Variants in ZCCHC24 observed in about 807,000 individuals in gnomAD.
The protein encoded by ZCCHC24 is zinc finger CCHC-type containing 24.
In ZCCHC24, 10 loss-of-function variants were observed where a neutral mutation model predicts 26.2. That is an observed-to-expected ratio of 0.38 (90% CI 0.24 to 0.65). The LOEUF (loss-of-function observed/expected upper bound fraction) is 0.65, where lower values mean the gene tolerates loss of function less well. ZCCHC24 is among the 30% of genes least tolerant of loss of function. ZCCHC24 has a pLI of 0.54. For missense variants in ZCCHC24, 243 were observed against 329.1 expected (o/e 0.74, Z 2.03); for synonymous variants, 144 against 147.1 (o/e 0.98, Z 0.15).
chr10:79,439,303 T>G (rs551846798), intron 1 of ZCCHC24, among the ~76,000 whole-genome samples: 4 of 152,340 alleles, frequency 2.6e-5, no homozygotes, highest in Non-Finnish European at 5.9e-5. Flanking sequence ...AAGGTTTCAC[T>G]ATCTCCCAAG....
chr10:79,422,819 T>A (rs906373214), intron 2 of ZCCHC24, among the ~76,000 whole-genome samples: 3 of 152,096 alleles, frequency 2.0e-5, no homozygotes, highest in African/African-American at 7.2e-5. Flanking sequence ...CAGACCTCCC[T>A]CAAAGGAGTA....
intron 2 of ZCCHC24, among the ~76,000 whole-genome samples, chr10:79,397,070 C>T (rs916936315): frequency 3.3e-5 from 5 of 152,222 alleles, no homozygotes; most frequent in African/African-American, 4.8e-5. Flanking sequence ...TTGTCCCAGG[C>T]GCCATTACTA....
chr10:79,387,226 A>G lies in ZCCHC24; in HGVS notation c.613-768T>C, dbSNP rs1589656860. On this transcript the variant is annotated intron_variant, in intron 3 of 3. Coordinates refer to ENST00000372336, the MANE Select transcript of ZCCHC24 (RefSeq NM_153367.4). ...GGTGACTTGCCGGGCCTGTCCTGCC[A>G]CACACTCACTGGGTGATCGCAGGGA... 5.3e-5 allele frequency among the ~76,000 whole-genome samples: 8 copies of G among 152,272 alleles called. No individual in the cohort carries two copies. In the South Asian group the frequency reaches 1.7e-3, roughly 32 times the overall value.
intron 2 of ZCCHC24, among the ~76,000 whole-genome samples, chr10:79,407,883 G>C (rs969566969): frequency 6.6e-6 from 1 of 152,162 alleles, no homozygotes; most frequent in African/African-American, 2.4e-5. Context: ...AAGCAAGACC[G>C]GCGGTGGTGT....
In ZCCHC24 at chr10:79,386,034, G is replaced by A. The variant is rs139071236; in HGVS notation, c.*311C>T. 93 of 521,504 alleles carry A rather than the reference G, an allele frequency of 1.8e-4. No homozygotes were observed. Among genetic ancestry groups the A allele is most frequent in the South Asian group, 4.3e-4 (13 of 29,886 alleles). The allele number at this position is 521,504 out of a possible 1,614,324, so 32.3% of individuals were successfully genotyped here. The stretch of plus-strand genomic sequence containing the variant: ...TCACCCCAAAGAGGCTCTCAGAGGC[G>A]AGCCTGTGGGGACACCCAGGGCTCC... On this transcript the variant is annotated 3_prime_UTR_variant, in exon 4 of 4. Transcript: ENST00000372336.
At chr10:79,390,696 G>C (rs577294464) in intron 3 of ZCCHC24, among the ~76,000 whole-genome samples, 3 of 152,360 alleles carry the variant, frequency 2.0e-5, no homozygotes, top group South Asian at 2.1e-4. Flanking sequence ...GGCTGACTGT[G>C]GTGGAGGGCC....
In ZCCHC24 at chr10:79,441,928, C is replaced by T. The variant is rs186895320; in HGVS notation, c.246+3267G>A. Among the ~76,000 whole-genome samples, 168 of 152,316 alleles carry T rather than the reference C, an allele frequency of 1.1e-3. 1 individual carries two copies. The highest frequency in any genetic ancestry group is 5.2e-3 in the South Asian group (25 of 4,834). ...GGGCTCTGGGCAGCCCTTCAAGGGG[C>T]CCAAGAGGCCATCTTCACAAGGAGG... On this transcript the variant is annotated intron_variant, in intron 1 of 3. Transcript: ENST00000372336.
intron 1 of ZCCHC24, among the ~76,000 whole-genome samples, chr10:79,435,047 C>T (rs1402942746): frequency 2.0e-5 from 3 of 151,986 alleles, no homozygotes; most frequent in African/African-American, 7.3e-5. Context: ...ACCAGAAGGC[C>T]CCCTCCCCCT....
chr10:79,441,553 G>A (rs1345558870), intron 1 of ZCCHC24, among the ~76,000 whole-genome samples: 4 of 152,058 alleles, frequency 2.6e-5, no homozygotes, highest in African/African-American at 9.7e-5. Context: ...ACTGACAGGT[G>A]TCCTGAGCCA....
intron 3 of ZCCHC24, among the ~76,000 whole-genome samples, chr10:79,388,367 A>C (rs1293301627): frequency 6.6e-6 from 1 of 151,948 alleles, no homozygotes. Flanking sequence ...TCCCAGGGAG[A>C]CCTCCAACAG....
intron 2 of ZCCHC24, among the ~76,000 whole-genome samples, chr10:79,430,244 G>C (rs1165656387): frequency 6.6e-6 from 1 of 152,110 alleles, no homozygotes; most frequent in Admixed American, 6.5e-5. Context: ...GCGAGCCTCT[G>C]TCTGTCCTCC....
chr10:79,445,323 A>T lies in ZCCHC24; in HGVS notation c.118T>A (p.Phe40Ile), dbSNP rs1433055634. The T allele has an allele frequency of 2.6e-6, 4 of 1,520,950 alleles. No homozygotes were observed. The highest frequency in any genetic ancestry group is 3.5e-6 in the Non-Finnish European group (4 of 1,136,498). The allele number at this position is 1,520,950 out of a possible 1,614,324, so 94.2% of individuals were successfully genotyped here. Residue 40 changes from phenylalanine (F) to isoleucine (I), a missense_variant, in exon 1 of 4, where the codon TTC becomes ATC. Phe to Ile is a conservative substitution (Grantham distance 21). Around this residue, in one of 2 missense-constraint regions of ZCCHC24, gnomAD observed 147 missense variants for 150.8 expected, o/e 0.97. Transcript: ENST00000372336. ...GCGCCGGCGGTCGGCTCGGGCCGGA[A>T]GGCATCGAAGGCGCTAGCCTGGTGC... The part of the protein sequence containing the change: ...DTHQASAFDA[F>I]RPEPTAGAAP...
At chr10:79,395,816 A>G (rs1856539234) in intron 2 of ZCCHC24, among the ~76,000 whole-genome samples, 1 of 152,162 alleles carries the variant, frequency 6.6e-6, no homozygotes, top group African/African-American at 2.4e-5. Flanking sequence ...TCTCCCACAC[A>G]GTGTTATTTT....
At chr10:79,445,074 G>T (rs1857344762) in intron 1 of ZCCHC24, 121 bp downstream of exon 1, 1 of 1,030,372 alleles carries the variant, frequency 9.7e-7, no homozygotes, top group Non-Finnish European at 1.3e-6. Flanking sequence ...GCCAAGCCGG[G>T]CCCGGCAATG....
At chr10:79,405,551 G>C (rs890204440) in intron 2 of ZCCHC24, among the ~76,000 whole-genome samples, 2 of 152,268 alleles carry the variant, frequency 1.3e-5, no homozygotes, top group Non-Finnish European at 2.9e-5. Flanking sequence ...CTGGACGGCT[G>C]TCTTGAGCTA....
rs949634312 is a variant in ZCCHC24 at position 79,398,427 on chromosome 10, G to A, written c.448-3987C>T. 2.0e-5 allele frequency among the ~76,000 whole-genome samples: 3 copies of A among 152,202 alleles called. No homozygotes were observed. In the South Asian group the frequency reaches 6.2e-4, roughly 32 times the overall value. On this transcript the variant is annotated intron_variant, in intron 2 of 3. Transcript: ENST00000372336. ...GTGGTTGGCACACTGCAAGTGCTCG[G>A]TCACCATTAGCTATTTCAGGGTGAT...
intron 2 of ZCCHC24, chr10:79,403,403 C>G (rs4980075): frequency 0.55 from 542,209 of 985,170 alleles, 152,475 homozygotes; most frequent in East Asian, 0.85. Flanking sequence ...TAGGGACCAA[C>G]CAAAGACCTC....
At chr10:79,440,788 C>T (rs569754671) in intron 1 of ZCCHC24, among the ~76,000 whole-genome samples, 1 of 152,298 alleles carries the variant, frequency 6.6e-6, no homozygotes, top group South Asian at 2.1e-4. Context: ...GCATCTGGCT[C>T]CCTGCTGCTG....
At chr10:79,393,962 C>T (rs1229871377) in intron 3 of ZCCHC24, among the ~76,000 whole-genome samples, 2 of 152,240 alleles carry the variant, frequency 1.3e-5, no homozygotes, top group African/African-American at 2.4e-5. Flanking sequence ...CCTGTTGACA[C>T]TGGCCGACTG....
Sources: allele counts gnomAD v4.1 joint callset (sites outside exome capture counted in the v4.1 genomes callset), GRCh38; gene constraint gnomAD v4.1.1; regional missense constraint gnomAD v4.1.1; transcripts MANE v1.5; gene names NCBI Gene and HGNC (gene_info 2026-07-23, HGNC 2026-07-21).